The following ELOVL5 variants were observed in gnomAD, a reference collection of about 807,000 sequenced individuals.
ELOVL5 encodes very long chain fatty acid elongase 5.
A neutral mutation model predicts 38.6 loss-of-function variants in ELOVL5; 8 were observed. That is an observed-to-expected ratio of 0.21 (90% confidence interval 0.12 to 0.37). The LOEUF (loss-of-function observed/expected upper bound fraction) is 0.37, where lower values mean the gene tolerates loss of function less well. Among genes scored for constraint, ELOVL5 ranks in the 10% least tolerant of loss-of-function variants. The pLI is 1.00. For missense variants in ELOVL5, 280 were observed against 367.8 expected (o/e 0.76, Z 1.95); for synonymous variants, 127 against 133.7 (o/e 0.95, Z 0.34).
intron 3 of ELOVL5, among the ~76,000 whole-genome samples, chr6:53,285,728 C>A (rs544848413): frequency 6.6e-6 from 1 of 152,206 alleles, no homozygotes; most frequent in Non-Finnish European, 1.5e-5. Flanking sequence ...CCCACCTCGG[C>A]CTCCCAAGTA....
chr6:53,298,902 G>GC (rs1006479390), intron 1 of ELOVL5, among the ~76,000 whole-genome samples: 8 of 147,544 alleles, frequency 5.4e-5, no homozygotes, highest in African/African-American at 1.5e-4. Context: ...GGGCAAGGCG[G>GC]GGGGGGGGAG....
rs899550943 is a variant in ELOVL5 at position 53,267,911 on chromosome 6, T to A, written c.*1216A>T. Reference sequence around the variant, plus strand: ...AAATGTGTGAGATGTGATTTTATGATAAGCAGTCTATTATTTTTAAACAAG... The same window carrying A: ...AAATGTGTGAGATGTGATTTTATGAAAAGCAGTCTATTATTTTTAAACAAG... On this transcript the variant is annotated 3_prime_UTR_variant, in exon 8 of 8. Transcript: ENST00000304434. The A allele has an allele frequency of 2.6e-5, 4 of 152,334 alleles. 1 individual carries two copies. The highest frequency in any genetic ancestry group is 2.6e-4 in the Admixed American group (4 of 15,306). 9.4% of individuals were successfully genotyped at this position (152,334 alleles called of 1,614,324 possible). A position where few individuals can be genotyped will look rare whatever the true frequency, so the allele number is the denominator to read the frequency against.
chr6:53,334,606 G>T (rs959379038), intron 1 of ELOVL5, among the ~76,000 whole-genome samples: 9 of 151,878 alleles, frequency 5.9e-5, no homozygotes, highest in African/African-American at 2.2e-4. Flanking sequence ...TTAAAGAAAG[G>T]GTATAGAAAA....
chr6:53,291,544 G>GA (rs1432132031), intron 3 of ELOVL5, among the ~76,000 whole-genome samples: 1 of 152,090 alleles, frequency 6.6e-6, no homozygotes, highest in Non-Finnish European at 1.5e-5. Context: ...CATAATAGAA[G>GA]AATCAATAAC....
intron 3 of ELOVL5, among the ~76,000 whole-genome samples, chr6:53,287,575 T>C (rs965088842): frequency 6.6e-6 from 1 of 152,188 alleles, no homozygotes; most frequent in Non-Finnish European, 1.5e-5. Flanking sequence ...ATTCACTCTC[T>C]AGAGTTGAGT....
At chr6:53,282,823 A>G (rs1766411026) in intron 3 of ELOVL5, among the ~76,000 whole-genome samples, 1 of 152,220 alleles carries the variant, frequency 6.6e-6, no homozygotes, top group African/African-American at 2.4e-5. Flanking sequence ...GTTTTTCCAA[A>G]TCCTATTTTC....
At chr6:53,276,372 T>C in intron 3 of ELOVL5, 116 bp from the exon 4 acceptor site, 2 of 683,184 alleles carry the variant, frequency 2.9e-6, no homozygotes, top group East Asian at 2.8e-5. Context: ...TGAGCCAAGT[T>C]TGCTCTGAGA....
intron 1 of ELOVL5, among the ~76,000 whole-genome samples, chr6:53,346,560 C>A (rs915583127): frequency 6.6e-6 from 1 of 151,820 alleles, no homozygotes; most frequent in Non-Finnish European, 1.5e-5. Flanking sequence ...GAGGATTAGC[C>A]TTTTGATAAC....
intron 1 of ELOVL5, among the ~76,000 whole-genome samples, chr6:53,302,209 T>C (rs1222165758): frequency 6.6e-6 from 1 of 152,204 alleles, no homozygotes; most frequent in Non-Finnish European, 1.5e-5. Flanking sequence ...AATCCATCTG[T>C]CCACTGTTCA....
chr6:53,306,837 A>C (rs1455717287), intron 1 of ELOVL5, among the ~76,000 whole-genome samples: 1 of 152,218 alleles, frequency 6.6e-6, no homozygotes, highest in Admixed American at 6.5e-5. Flanking sequence ...TATTTGGAAA[A>C]AGACAACGAT....
intron 3 of ELOVL5, among the ~76,000 whole-genome samples, chr6:53,282,083 G>C (rs890984939): frequency 6.6e-6 from 1 of 152,192 alleles, no homozygotes; most frequent in African/African-American, 2.4e-5. Context: ...AAAGCAGATG[G>C]TAAGAGTGCA....
At chr6:53,348,300 C>T (rs1422214874) in intron 1 of ELOVL5, among the ~76,000 whole-genome samples, 1 of 152,152 alleles carries the variant, frequency 6.6e-6, no homozygotes, top group African/African-American at 2.4e-5. Context: ...GAGAGTCCCC[C>T]CAGCGGCGCC....
At chr6:53,276,822 AT>A (rs561347112) in intron 3 of ELOVL5, among the ~76,000 whole-genome samples, 120 of 152,130 alleles carry the variant, frequency 7.9e-4, no homozygotes, top group Admixed American at 1.8e-3. Flanking sequence ...CTCAGGGATA[AT>A]TTAGTCCAAC....
chr6:53,326,166 C>A (rs551956378), intron 1 of ELOVL5, among the ~76,000 whole-genome samples: 58 of 152,240 alleles, frequency 3.8e-4, no homozygotes, highest in African/African-American at 1.3e-3. Context: ...TTGAAGCCAT[C>A]GTCTTGAGCA....
intron 6 of ELOVL5, among the ~76,000 whole-genome samples, chr6:53,271,494 G>A (rs545510778): frequency 3.3e-5 from 5 of 152,050 alleles, no homozygotes; most frequent in African/African-American, 9.6e-5. Context: ...AGGTTGCAGC[G>A]AACCGAGATC....
intron 1 of ELOVL5, among the ~76,000 whole-genome samples, chr6:53,300,870 T>C (rs1767221778): frequency 6.6e-6 from 1 of 152,206 alleles, no homozygotes; most frequent in Non-Finnish European, 1.5e-5. Flanking sequence ...CTCACACTGC[T>C]ACCATCTCCT....
intron 1 of ELOVL5, among the ~76,000 whole-genome samples, chr6:53,321,405 C>T (rs209499): frequency 0.92 from 140,188 of 152,304 alleles, 64,849 homozygotes; most frequent in African/African-American, 0.98. Context: ...AACACTTTTA[C>T]GTATTCCTCT....
intron 1 of ELOVL5, among the ~76,000 whole-genome samples, chr6:53,319,148 G>A (rs1267571002): frequency 2.6e-5 from 4 of 151,840 alleles, no homozygotes; most frequent in Admixed American, 2.6e-4. Flanking sequence ...GCGGGCGCCT[G>A]TAGTCCCAGC....
chr6:53,282,449 T>G (rs1319466285), intron 3 of ELOVL5, among the ~76,000 whole-genome samples: 1 of 152,164 alleles, frequency 6.6e-6, no homozygotes, highest in Non-Finnish European at 1.5e-5. Context: ...TCCCTTCCCC[T>G]CCCCTGGGTG....
Sources: allele counts gnomAD v4.1 joint callset (sites outside exome capture counted in the v4.1 genomes callset), GRCh38; gene constraint gnomAD v4.1.1; transcripts MANE v1.5; gene names NCBI Gene and HGNC (gene_info 2026-07-23, HGNC 2026-07-21).